The following NRXN1 variants were observed in gnomAD, a reference collection of about 807,000 sequenced individuals.
NRXN1 encodes the protein neurexin-1.
Under a neutral mutation model 150.9 loss-of-function variants are expected in NRXN1, and 39 were observed. That is an observed-to-expected ratio of 0.26 (90% CI 0.20 to 0.34). The LOEUF is 0.34. NRXN1 is among the 10% of genes least tolerant of loss of function. The probability of loss-of-function intolerance (pLI) is 1.00; values close to 1 mark genes in which losing one functional copy is unlikely to be tolerated. For missense variants in NRXN1, 1,815 were observed against 1,949.9 expected, an observed-to-expected ratio of 0.93 and a Z score of 1.30; for synonymous variants, 924 against 757.0, an observed-to-expected ratio of 1.22 and a Z score of -3.62.
chr2:50,551,274 CCTT>C (rs1558923126), intron 9 of NRXN1: 1 of 152,108 alleles, frequency 6.6e-6, no homozygotes, highest in African/African-American at 2.4e-5. Flanking sequence ...TTCTGACCTT[CCTT>C]CTCTCCACAC....
intron 2 of NRXN1, among the ~76,000 whole-genome samples, chr2:50,979,466 A>G (rs183283423): frequency 1.3e-5 from 2 of 152,270 alleles, no homozygotes; most frequent in African/African-American, 4.8e-5. Flanking sequence ...TGCAACATAT[A>G]AGAGTAATAA....
chr2:50,089,841 A>T (rs1177929448), intron 19 of NRXN1, among the ~76,000 whole-genome samples: 1 of 152,172 alleles, frequency 6.6e-6, no homozygotes, highest in Middle Eastern at 3.2e-3. Context: ...TTGCACATTT[A>T]TACTAGGATT....
chr2:50,884,931 T>C (rs2103744895), intron 5 of NRXN1, among the ~76,000 whole-genome samples: 1 of 151,706 alleles, frequency 6.6e-6, no homozygotes, highest in African/African-American at 2.4e-5. Flanking sequence ...AAGCAAAACA[T>C]ATGCTCAAAT....
intron 5 of NRXN1, among the ~76,000 whole-genome samples, chr2:50,799,075 T>C (rs1707234775): frequency 6.6e-6 from 1 of 152,232 alleles, no homozygotes; most frequent in South Asian, 2.1e-4. Flanking sequence ...TGTCTATCTA[T>C]ATGTGTATCT....
In NRXN1 at chr2:50,506,504, C is replaced by T. The variant is rs759806453; in HGVS notation, c.2488G>A (p.Ala830Thr). The part of the protein sequence containing the change: ...SLKLTVDDQQ[A>T]MTGQMAGDHT... ...GGACAGAGGTGTTTACCTGTCATGG[C>T]CTGTTGGTCATCCACTGTTAACTTT... is the stretch of plus-strand genomic sequence containing the variant. Residue 830 changes from alanine (A) to threonine (T), a missense_variant, in exon 13 of 23, where the codon GCC becomes ACC. Ala to Thr is a moderately conservative substitution (Grantham distance 58). This residue lies in a region of NRXN1 where 638 missense variants were observed against 652.6 expected (regional missense o/e 0.98). Transcript: ENST00000401669. The T allele has an allele frequency of 6.2e-7, 1 of 1,612,586 alleles. No homozygotes were observed. Among genetic ancestry groups the T allele is most frequent in the East Asian group, 2.2e-5 (1 of 44,840 alleles).
intron 5 of NRXN1, among the ~76,000 whole-genome samples, chr2:50,890,067 T>C (rs1680825574): frequency 6.6e-6 from 1 of 151,808 alleles, no homozygotes; most frequent in Non-Finnish European, 1.5e-5. Flanking sequence ...GGTTTTCCTT[T>C]AATATAGAGG....
intron 2 of NRXN1, among the ~76,000 whole-genome samples, chr2:50,996,510 A>G (rs1699304794): frequency 6.6e-6 from 1 of 152,070 alleles, no homozygotes; most frequent in African/African-American, 2.4e-5. Flanking sequence ...AATTAGTGTC[A>G]AAGACAGCAG....
intron 12 of NRXN1, among the ~76,000 whole-genome samples, chr2:50,523,850 T>A (rs2092866863): frequency 6.6e-6 from 1 of 152,220 alleles, no homozygotes. Context: ...CAGCCCTTGA[T>A]GCTTTGTTCA....
intron 5 of NRXN1, among the ~76,000 whole-genome samples, chr2:50,892,535 G>A (rs1027482153): frequency 6.6e-6 from 1 of 152,232 alleles, no homozygotes; most frequent in Non-Finnish European, 1.5e-5. Context: ...CAGACTTAGA[G>A]AAAGAGCCAC....
intron 21 of NRXN1, among the ~76,000 whole-genome samples, chr2:49,983,732 G>A (rs1031325779): frequency 1.3e-5 from 2 of 152,098 alleles, no homozygotes; most frequent in Non-Finnish European, 2.9e-5. Flanking sequence ...GCATGTACAT[G>A]GCCCCACTGT....
intron 2 of NRXN1, among the ~76,000 whole-genome samples, chr2:50,939,195 A>G (rs1689007442): frequency 7.3e-6 from 1 of 136,944 alleles, no homozygotes; most frequent in Non-Finnish European, 1.5e-5. Context: ...TGGGCAACAG[A>G]GCGAGACTCC....
At chr2:50,601,426 C>A (rs573345785) in intron 8 of NRXN1, among the ~76,000 whole-genome samples, 5 of 152,136 alleles carry the variant, frequency 3.3e-5, no homozygotes, top group African/African-American at 1.2e-4. Flanking sequence ...CAGGATGGTA[C>A]CAAAACAACA....
Position 49,921,293 on chromosome 2 carries a change from C to A in NRXN1, c.*651G>T, listed in dbSNP as rs1668149847. On this transcript the variant is annotated 3_prime_UTR_variant, in exon 23 of 23. Coordinates refer to ENST00000401669, the MANE Select transcript of NRXN1 (RefSeq NM_001330078.2). Reference sequence around the variant, plus strand: ...TTTTGAAATTTTGTGTGAAAACGTGCCTTATATTTCACATTTTTGAAAATA... The same window carrying A: ...TTTTGAAATTTTGTGTGAAAACGTGACTTATATTTCACATTTTTGAAAATA... 6.6e-6 allele frequency: 1 copy of A among 152,526 alleles called. No individual in the cohort carries two copies. The highest frequency in any genetic ancestry group is 1.5e-5 in the Non-Finnish European group (1 of 68,022). 9.4% of individuals were successfully genotyped at this position (152,526 alleles called of 1,614,324 possible). A position where few individuals can be genotyped will look rare whatever the true frequency, so the allele number is the denominator to read the frequency against.
At chr2:50,682,535 C>T (rs900608122) in intron 5 of NRXN1, among the ~76,000 whole-genome samples, 20 of 152,110 alleles carry the variant, frequency 1.3e-4, no homozygotes, top group African/African-American at 3.9e-4. Context: ...CATATGAGCA[C>T]GAAAGGTAGG....
chr2:50,353,134 T>C (rs1459195092), intron 17 of NRXN1, among the ~76,000 whole-genome samples: 1 of 152,126 alleles, frequency 6.6e-6, no homozygotes, highest in Non-Finnish European at 1.5e-5. Flanking sequence ...TTTATTCAAG[T>C]CAAGATTGGT....
intron 19 of NRXN1, among the ~76,000 whole-genome samples, chr2:50,064,299 T>A (rs1695011096): frequency 6.6e-6 from 1 of 151,994 alleles, no homozygotes; most frequent in South Asian, 2.1e-4. Flanking sequence ...GAATTTGCCA[T>A]TGTAGTACAC....
chr2:50,107,902 T>C (rs1303543343), intron 18 of NRXN1, among the ~76,000 whole-genome samples: 2 of 151,900 alleles, frequency 1.3e-5, no homozygotes, highest in East Asian at 1.9e-4. Flanking sequence ...TAAATTCTTA[T>C]ATTAACTCTG....
chr2:50,738,065 GCA>G (rs1376804108), intron 5 of NRXN1, among the ~76,000 whole-genome samples: 1 of 152,162 alleles, frequency 6.6e-6, no homozygotes, highest in Admixed American at 6.5e-5. Flanking sequence ...TCTGCAGATA[GCA>G]CAGAGTAACT....
intron 18 of NRXN1, among the ~76,000 whole-genome samples, chr2:50,120,882 G>A (rs191333938): frequency 6.6e-6 from 1 of 152,292 alleles, no homozygotes; most frequent in South Asian, 2.1e-4. Flanking sequence ...GTTACTTACT[G>A]ATCATTTGAT....
Sources: gnomAD v4.1 joint callset for allele counts (sites outside exome capture counted in the v4.1 genomes callset) on GRCh38, gnomAD v4.1.1 for gene constraint, gnomAD v4.1.1 regional missense constraint, MANE v1.5 for transcripts, NCBI Gene and HGNC (gene_info 2026-07-23, HGNC 2026-07-21) for gene names.